Variants in ADAMTSL3 observed in about 807,000 individuals in gnomAD.
ADAMTSL3 encodes ADAMTS like 3, also known as ADAMTS-like protein 3.
Under a neutral mutation model 201.7 loss-of-function variants are expected in ADAMTSL3, and 128 were observed. The ratio of observed to expected loss-of-function variants is 0.63; its 90% CI spans 0.55 to 0.73. ADAMTSL3 has a LOEUF of 0.73. Among genes scored for constraint, ADAMTSL3 ranks in the 30% least tolerant of loss-of-function variants. ADAMTSL3 has a pLI of 0.00. For synonymous variants in ADAMTSL3, 738 were observed against 748.4 expected (o/e 0.99, Z 0.23); for missense variants, 1,990 against 2,119.6 (o/e 0.94, Z 1.20).
chr15:83,841,648 A>C (rs1297713897), intron 7 of ADAMTSL3, among the ~76,000 whole-genome samples: 1 of 151,270 alleles, frequency 6.6e-6, no homozygotes, highest in Non-Finnish European at 1.5e-5. Context: ...AGGATGTCAC[A>C]CTGATACGGG....
chr15:84,015,295 G>C (rs1183443200), intron 24 of ADAMTSL3, among the ~76,000 whole-genome samples: 1 of 152,140 alleles, frequency 6.6e-6, no homozygotes, highest in Non-Finnish European at 1.5e-5. Flanking sequence ...TGAACCATTG[G>C]CAAAATTAGT....
chr15:83,765,122 A>G (rs1192496641), intron 3 of ADAMTSL3, among the ~76,000 whole-genome samples: 3 of 152,208 alleles, frequency 2.0e-5, no homozygotes, highest in African/African-American at 4.8e-5. Context: ...GCATTTCTCA[A>G]CAGTACCTAG....
rs529774391 is a variant in ADAMTSL3 at position 83,747,644 on chromosome 15, A to T, written c.190-25879A>T. ...TATCTTTCCTTTTCAGACCATGTTC[A>T]CATGTCATGAAATTCAAAATTTGGC... On this transcript the variant is annotated intron_variant, in intron 3 of 29. Transcript: ENST00000286744. Among the ~76,000 whole-genome samples, 5 of 152,180 alleles carry T rather than the reference A, an allele frequency of 3.3e-5. No individual in the cohort carries two copies. The East Asian group carries it at 9.7e-4, about 29-fold the overall frequency.
chr15:84,033,721 C>T (rs958349169), intron 28 of ADAMTSL3, among the ~76,000 whole-genome samples: 3 of 152,132 alleles, frequency 2.0e-5, no homozygotes, highest in Admixed American at 2.0e-4. Context: ...TTCACAGCCT[C>T]ATCCATTATC....
At chr15:83,825,938 T>C (rs1238988228) in intron 6 of ADAMTSL3, among the ~76,000 whole-genome samples, 1 of 152,194 alleles carries the variant, frequency 6.6e-6, no homozygotes, top group Non-Finnish European at 1.5e-5. Context: ...CATAATTTTA[T>C]AAAGAATTTG....
At chr15:83,784,864 C>A (rs1029626282) in intron 4 of ADAMTSL3, among the ~76,000 whole-genome samples, 1 of 151,774 alleles carries the variant, frequency 6.6e-6, no homozygotes, top group Non-Finnish European at 1.5e-5. Flanking sequence ...AGTTTATTGG[C>A]AGTTTTTTTC....
At chr15:83,714,270 C>T (rs977522462) in intron 3 of ADAMTSL3, among the ~76,000 whole-genome samples, 10 of 152,162 alleles carry the variant, frequency 6.6e-5, no homozygotes, top group African/African-American at 2.4e-4. Context: ...AGATCAGGAT[C>T]CTGCTAGCTG....
intron 6 of ADAMTSL3, among the ~76,000 whole-genome samples, chr15:83,827,435 C>T (rs556014285): frequency 4.9e-4 from 74 of 152,198 alleles, no homozygotes; most frequent in Admixed American, 4.0e-3. Flanking sequence ...GAGTAGATTG[C>T]GAAAATTTTC....
At chr15:83,722,729 C>T (rs891208945) in intron 3 of ADAMTSL3, among the ~76,000 whole-genome samples, 1 of 152,070 alleles carries the variant, frequency 6.6e-6, no homozygotes, top group African/African-American at 2.4e-5. Context: ...CATGTAACTA[C>T]AGTCTATACT....
chr15:83,724,439 A>G (rs970783878), intron 3 of ADAMTSL3, among the ~76,000 whole-genome samples: 14 of 152,086 alleles, frequency 9.2e-5, no homozygotes, highest in African/African-American at 3.4e-4. Flanking sequence ...TAGTAAGTGT[A>G]TATATTTATG....
intron 4 of ADAMTSL3, among the ~76,000 whole-genome samples, chr15:83,790,573 T>A (rs2063329333): frequency 1.3e-5 from 2 of 152,016 alleles, no homozygotes; most frequent in African/African-American, 2.4e-5. Context: ...AGATATCAGC[T>A]TGATAAAAAA....
intron 27 of ADAMTSL3, among the ~76,000 whole-genome samples, chr15:84,026,820 AT>A (rs2068319289): frequency 6.6e-6 from 1 of 152,182 alleles, no homozygotes; most frequent in South Asian, 2.1e-4. Context: ...ATATAAAACT[AT>A]TGGAAAAAAA....
At chr15:84,025,485 A>G (rs773782572) in intron 27 of ADAMTSL3, 49 bp downstream of exon 27, 2 of 1,543,578 alleles carry the variant, frequency 1.3e-6, no homozygotes, top group South Asian at 2.4e-5. Flanking sequence ...GTCCACACAG[A>G]TAGTGTGATA....
intron 2 of ADAMTSL3, among the ~76,000 whole-genome samples, chr15:83,679,775 T>C (rs2141419523): frequency 6.6e-6 from 1 of 152,312 alleles, no homozygotes; most frequent in African/African-American, 2.4e-5. Context: ...ACTCTATTTG[T>C]GAGGGAGAGG....
chr15:83,995,147 G>A (rs1052351088), intron 23 of ADAMTSL3, among the ~76,000 whole-genome samples: 3 of 152,148 alleles, frequency 2.0e-5, no homozygotes, highest in Admixed American at 6.5e-5. Context: ...GGGCATATGT[G>A]CTCTTGGGTC....
chr15:83,725,566 T>C (rs12914453), intron 3 of ADAMTSL3, among the ~76,000 whole-genome samples: 1 of 152,186 alleles, frequency 6.6e-6, no homozygotes, highest in African/African-American at 2.4e-5. Context: ...TTTGATTTGA[T>C]TTTTGTGTAT....
intron 20 of ADAMTSL3, among the ~76,000 whole-genome samples, chr15:83,977,599 G>A (rs904625109): frequency 6.6e-6 from 1 of 151,848 alleles, no homozygotes; most frequent in Non-Finnish European, 1.5e-5. Context: ...GAAAAAAAAA[G>A]GTAAAAAAAA....
Position 83,923,981 on chromosome 15 carries a change from C to T in ADAMTSL3, c.2065C>T (p.His689Tyr). Residue 689 changes from histidine to tyrosine, a missense_variant, in exon 17 of 30, where the codon CAC becomes TAC. By Grantham distance (83) the His-to-Tyr change is moderately conservative. Transcript: ENST00000286744. The stretch of plus-strand genomic sequence containing the variant: ...CAATGACAGCTTGTGTGATATGGTC[C>T]ACCGTCCTCCAGCCATGAGCCAGGC... Reference protein sequence around the residue: ...TVNDSLCDMVHRPPAMSQACN... With the variant: ...TVNDSLCDMVYRPPAMSQACN... The T allele has an allele frequency of 6.2e-7, 1 of 1,614,100 alleles. No homozygotes were observed. Among genetic ancestry groups the T allele is most frequent in the Non-Finnish European group, 8.5e-7 (1 of 1,179,996 alleles).
intron 20 of ADAMTSL3, 41 bp downstream of exon 20, chr15:83,970,678 T>C: frequency 6.2e-7 from 1 of 1,605,880 alleles, no homozygotes; most frequent in Non-Finnish European, 8.5e-7. Context: ...ATATGCTGAT[T>C]CTGTTCATTT....
Sources: allele counts gnomAD v4.1 joint callset (sites outside exome capture counted in the v4.1 genomes callset), GRCh38; gene constraint gnomAD v4.1.1; transcripts MANE v1.5; gene names NCBI Gene and HGNC (gene_info 2026-07-23, HGNC 2026-07-21).